The following LY96 variants were observed in gnomAD, a reference collection of about 807,000 sequenced individuals.
The protein encoded by LY96 is lymphocyte antigen 96.
Under a neutral mutation model 18.9 loss-of-function variants are expected in LY96, and 18 were observed. The observed-to-expected ratio is 0.95, with a 90% CI of 0.66 to 1.41. The LOEUF (loss-of-function observed/expected upper bound fraction) is 1.41, where lower values mean the gene tolerates loss of function less well. Among genes scored for constraint, LY96 ranks in the 40% most tolerant of loss-of-function variants. LY96 has a pLI of 0.00. For synonymous variants in LY96, 66 were observed against 62.6 expected, an observed-to-expected ratio of 1.06 and a Z score of -0.26; for missense variants, 175 against 182.4, an observed-to-expected ratio of 0.96 and a Z score of 0.23.
chr8:74,018,639 T>C (rs1396198543), intron 3 of LY96, among the ~76,000 whole-genome samples: 1 of 152,074 alleles, frequency 6.6e-6, no homozygotes, highest in African/African-American at 2.4e-5. Context: ...AGCACCACAT[T>C]GCACTTATTC....
At chr8:74,088,145 GAATAGA>G in the LY96 span, among the ~76,000 whole-genome samples, 4 of 151,920 alleles carry the variant, frequency 2.6e-5, no homozygotes, top group East Asian at 7.7e-4. Flanking sequence ...GAATAGAATA[GAATAGA>G]AAAGAATAGA....
the LY96 span, among the ~76,000 whole-genome samples, chr8:74,068,500 A>T: frequency 2.6e-5 from 4 of 152,220 alleles, no homozygotes; most frequent in Non-Finnish European, 5.9e-5. Context: ...CTACTGGGTC[A>T]TATGGTTAAT....
chr8:74,058,142 C>T, the LY96 span, among the ~76,000 whole-genome samples: 2 of 151,992 alleles, frequency 1.3e-5, no homozygotes, highest in South Asian at 4.1e-4. Flanking sequence ...CCAAGAAACA[C>T]TAGGACAGAC....
the LY96 span, among the ~76,000 whole-genome samples, chr8:74,088,479 C>T: frequency 9.2e-5 from 14 of 152,290 alleles, no homozygotes; most frequent in African/African-American, 3.1e-4. Context: ...GCACCACATA[C>T]CCCCAAGCAT....
At chr8:74,035,189 T>G in the LY96 span, among the ~76,000 whole-genome samples, 2 of 152,210 alleles carry the variant, frequency 1.3e-5, no homozygotes, top group African/African-American at 2.4e-5. Context: ...ACCTTCCCTT[T>G]GGCTTTTTGT....
rs138482876 is a variant in LY96, at chr8:73,997,411, G to A, written c.112+5857G>A. Among the ~76,000 whole-genome samples, 97 of 152,170 alleles carry A rather than the reference G, an allele frequency of 6.4e-4. 2 individuals are homozygous for A. The East Asian group carries it at 0.016, about 25-fold the overall frequency. ...TTGCCCTCCCTCTGCTTCAGTTCTT[G>A]CCACCATACAATCTATTCTTGACAC... On this transcript the variant is annotated intron_variant, in intron 1 of 4. Coordinates refer to ENST00000284818, the MANE Select transcript of LY96 (RefSeq NM_015364.5).
the LY96 span, among the ~76,000 whole-genome samples, chr8:74,073,489 A>C: frequency 6.6e-6 from 1 of 152,200 alleles, no homozygotes; most frequent in Non-Finnish European, 1.5e-5. Flanking sequence ...GCCATGTAGC[A>C]GGGAGGGATG....
At chr8:74,014,093 G>A (rs957583070) in intron 3 of LY96, among the ~76,000 whole-genome samples, 1 of 151,930 alleles carries the variant, frequency 6.6e-6, no homozygotes, top group Non-Finnish European at 1.5e-5. Flanking sequence ...AGATTTTTGG[G>A]AGACAGAATA....
the LY96 span, among the ~76,000 whole-genome samples, chr8:74,071,248 AC>A: frequency 1.4e-5 from 2 of 146,374 alleles, no homozygotes; most frequent in Admixed American, 1.4e-4. Context: ...TCTTACAAGG[AC>A]TTTTTTTTTT....
At chr8:74,047,091 G>A in the LY96 span, among the ~76,000 whole-genome samples, 28 of 152,002 alleles carry the variant, frequency 1.8e-4, no homozygotes, top group South Asian at 4.8e-3. Flanking sequence ...TAGTTGAGAC[G>A]GGGTTTCACC....
In LY96 at chr8:74,009,400, GAAGAA is replaced by G. The variant is rs370257053; in HGVS notation, c.203-584_203-580del. On this transcript the variant is annotated intron_variant, in intron 2 of 4. Coordinates refer to ENST00000284818, the MANE Select transcript of LY96 (RefSeq NM_015364.5). ...AAAAAAAAAAAAAAAAAAAAAAAAA[GAAGAA>G]AAGAAAAGAAAAGAAAGAAAAGGAT... Among the ~76,000 whole-genome samples the G allele has an allele frequency of 5.8e-3, 650 of 111,136 alleles. 3 individuals carry two copies. Among genetic ancestry groups the G allele is most frequent in the African/African-American group, 0.019 (527 of 28,338 alleles). 72.9% of individuals were successfully genotyped at this position (111,136 alleles called of 152,430 possible). A position where few individuals can be genotyped will look rare whatever the true frequency, so the allele number is the denominator to read the frequency against.
At chr8:74,079,685 A>AT in the LY96 span, 1 of 152,106 alleles carries the variant, frequency 6.6e-6, no homozygotes. Context: ...TAGATAGTGG[A>AT]TTTTATGAAA....
the LY96 span, among the ~76,000 whole-genome samples, chr8:74,083,101 G>A: frequency 6.6e-6 from 1 of 152,066 alleles, no homozygotes; most frequent in Non-Finnish European, 1.5e-5. Flanking sequence ...GTATTATACA[G>A]ATGTTTATAT....
the LY96 span, among the ~76,000 whole-genome samples, chr8:74,049,797 A>G: frequency 5.1e-4 from 78 of 152,336 alleles, no homozygotes; most frequent in Middle Eastern, 3.4e-3. Context: ...TTAATGGAAT[A>G]TCCATGAGTT....
chr8:74,076,535 G>C, the LY96 span, among the ~76,000 whole-genome samples: 1 of 151,938 alleles, frequency 6.6e-6, no homozygotes, highest in African/African-American at 2.4e-5. Flanking sequence ...ACGTTGGCCA[G>C]GCTAGTCTTG....
chr8:74,067,853 G>T, the LY96 span, among the ~76,000 whole-genome samples: 4 of 151,820 alleles, frequency 2.6e-5, no homozygotes, highest in Admixed American at 2.6e-4. Context: ...CTGAGGTCAG[G>T]AGTTTGAGGA....
the LY96 span, among the ~76,000 whole-genome samples, chr8:74,061,002 C>T: frequency 5.3e-5 from 8 of 152,322 alleles, no homozygotes; most frequent in African/African-American, 1.7e-4. Context: ...AGAATGGAAC[C>T]TCTGTTTGTG....
chr8:74,040,128 G>A, the LY96 span, among the ~76,000 whole-genome samples: 60 of 152,106 alleles, frequency 3.9e-4, no homozygotes, highest in Non-Finnish European at 7.9e-4. Context: ...CCCTATACCC[G>A]CCAGTTATTC....
chr8:74,091,445 T>C, the LY96 span, among the ~76,000 whole-genome samples: 1 of 152,218 alleles, frequency 6.6e-6, no homozygotes, highest in East Asian at 1.9e-4. Flanking sequence ...GGCTTTCCTA[T>C]GAGTCAGGCA....
Sources: gnomAD v4.1 joint callset for allele counts (sites outside exome capture counted in the v4.1 genomes callset) on GRCh38, gnomAD v4.1.1 for gene constraint, MANE v1.5 for transcripts, NCBI Gene and HGNC (gene_info 2026-07-23, HGNC 2026-07-21) for gene names.